The following DRAM2 variants were observed in gnomAD, a reference collection of about 807,000 sequenced individuals.
The protein encoded by DRAM2 is DNA damage-regulated autophagy modulator protein 2.
A neutral mutation model predicts 33.5 loss-of-function variants in DRAM2; 26 were observed. The ratio of observed to expected loss-of-function variants is 0.78; its 90% CI spans 0.57 to 1.08. DRAM2 has a LOEUF of 1.08. Ranked by LOEUF, DRAM2 falls within the 50% of genes least tolerant of loss-of-function variation. The pLI is 0.00. For missense variants in DRAM2, 311 were observed against 318.1 expected, an observed-to-expected ratio of 0.98 and a Z score of 0.17; for synonymous variants, 98 against 109.5, an observed-to-expected ratio of 0.89 and a Z score of 0.66.
chr1:111,124,899 A>T lies in DRAM2; in HGVS notation c.200-18T>A. 6.2e-7 allele frequency: 1 copy of T among 1,607,584 alleles called. No homozygotes were observed. Among genetic ancestry groups the T allele is most frequent in the African/African-American group, 1.3e-5 (1 of 74,682 alleles). On this transcript the variant is annotated intron_variant, in intron 5 of 9. Coordinates refer to ENST00000484310, the MANE Select transcript of DRAM2 (RefSeq NM_001349884.2). Reference sequence around the variant, plus strand: ...AGCAATGCCTGGGAAAAGATAATCCAAAAAACAACAAAGTAATAAATAATC... The same window carrying T: ...AGCAATGCCTGGGAAAAGATAATCCTAAAAACAACAAAGTAATAAATAATC...
chr1:111,117,973 T>C lies in DRAM2; in HGVS notation c.*187A>G, dbSNP rs1038498478. On this transcript the variant is annotated 3_prime_UTR_variant, in exon 10 of 10. Transcript: ENST00000484310. ...GGCATAGGTGTTTTTAATAGTCTTC[T>C]TGATGATATCCTTTAGAATAATCTA... The C allele has an allele frequency of 4.6e-5, 28 of 602,986 alleles. No individual in the cohort carries two copies. Among genetic ancestry groups the C allele is most frequent in the Non-Finnish European group, 7.6e-5 (26 of 342,418 alleles). The allele number at this position is 602,986 out of a possible 1,614,324, so 37.4% of individuals were successfully genotyped here.
At chr1:111,130,429 G>A (rs1244938734) in intron 4 of DRAM2, among the ~76,000 whole-genome samples, 2 of 152,196 alleles carry the variant, frequency 1.3e-5, no homozygotes, top group African/African-American at 4.8e-5. Context: ...TACGAGGCTG[G>A]GCACAGTGGC....
At chr1:111,128,454 G>A (rs1347007425) in intron 4 of DRAM2, among the ~76,000 whole-genome samples, 1 of 152,060 alleles carries the variant, frequency 6.6e-6, no homozygotes, top group Non-Finnish European at 1.5e-5. Context: ...TACCACCAAG[G>A]AAGTGAAACT....
intron 6 of DRAM2, 62 bp from the exon 7 acceptor site, chr1:111,120,755 C>T: frequency 7.3e-7 from 1 of 1,377,906 alleles, no homozygotes. Flanking sequence ...GGCAACACAA[C>T]ATTTAAAAGC....
chr1:111,120,746 G>C, intron 6 of DRAM2, 53 bp from the exon 7 acceptor site: 1 of 1,405,860 alleles, frequency 7.1e-7, no homozygotes. Context: ...GAACACATTG[G>C]CAACACAACA....
intron 5 of DRAM2, 106 bp from the exon 6 acceptor site, chr1:111,124,987 C>T: frequency 1.0e-6 from 1 of 960,050 alleles, no homozygotes; most frequent in South Asian, 1.9e-5. Flanking sequence ...CACAGATTTT[C>T]CTTTTAAAAT....
chr1:111,131,369 T>C, intron 4 of DRAM2, 55 bp downstream of exon 4: 2 of 1,505,024 alleles, frequency 1.3e-6, no homozygotes, highest in East Asian at 2.3e-5. Flanking sequence ...ACTTCAATGT[T>C]AAAATAAGAA....
chr1:111,118,710 G>C, intron 9 of DRAM2, 95 bp downstream of exon 9: 1 of 805,144 alleles, frequency 1.2e-6, no homozygotes, highest in Middle Eastern at 2.4e-4. Context: ...TTTCAAAAAG[G>C]CGGGAGAGTT....
chr1:111,137,934 G>A (rs1653593207), intron 2 of DRAM2, among the ~76,000 whole-genome samples: 1 of 152,158 alleles, frequency 6.6e-6, no homozygotes, highest in African/African-American at 2.4e-5. Flanking sequence ...TAAAGCAATT[G>A]CAAGTCCATG....
At chr1:111,131,342 G>T in intron 4 of DRAM2, 82 bp downstream of exon 4, 3 of 1,369,222 alleles carry the variant, frequency 2.2e-6, no homozygotes, top group South Asian at 1.5e-5. Flanking sequence ...TTTTTAAAAG[G>T]TTGACATTAA....
chr1:111,129,651 C>T (rs143444256), intron 4 of DRAM2, among the ~76,000 whole-genome samples: 3 of 152,212 alleles, frequency 2.0e-5, no homozygotes, highest in African/African-American at 7.2e-5. Flanking sequence ...AGCAATCTCA[C>T]TTCTAGAAAT....
intron 5 of DRAM2, 56 bp from the exon 6 acceptor site, chr1:111,124,937 T>C: frequency 1.3e-6 from 2 of 1,552,934 alleles, no homozygotes; most frequent in Non-Finnish European, 1.8e-6. Context: ...GAAATAAAGT[T>C]GCCAATGAAG....
chr1:111,119,929 C>T lies in DRAM2; in HGVS notation c.548G>A (p.Gly183Asp), dbSNP rs140017544. 7 of 1,612,622 alleles carry T rather than the reference C, an allele frequency of 4.3e-6. No individual in the cohort carries two copies. ...CTGTTCTAAATCAGTCCCAAAATTG[C>T]CACTGTGCAAAACTGATGAGCAAGT... ...MLTCSSVLHSGNFGTDLEQKL... is the reference protein window; with the variant it reads ...MLTCSSVLHSDNFGTDLEQKL... Residue 183 changes from glycine (G) to aspartate (D), a missense_variant, in exon 8 of 10, where the codon GGC (glycine) becomes GAC (aspartate). Coordinates refer to ENST00000484310, the MANE Select transcript of DRAM2 (RefSeq NM_001349884.2).
At chr1:111,125,654 A>C (rs1036501240) in intron 5 of DRAM2, 1 of 152,274 alleles carries the variant, frequency 6.6e-6, no homozygotes, top group African/African-American at 2.4e-5. Context: ...TTTTGACCTA[A>C]GCAAATAATA....
intron 4 of DRAM2, among the ~76,000 whole-genome samples, chr1:111,129,293 T>C (rs1411574209): frequency 6.6e-6 from 1 of 152,132 alleles, no homozygotes; most frequent in Admixed American, 6.5e-5. Context: ...AGCAACAAAA[T>C]TTGGCATCTC....
chr1:111,133,246 C>T (rs555213874), intron 3 of DRAM2, among the ~76,000 whole-genome samples: 5 of 149,624 alleles, frequency 3.3e-5, no homozygotes, highest in African/African-American at 9.9e-5. Context: ...GGCACAATCT[C>T]GGCTCGCTGC....
At chr1:111,123,274 G>C (rs946855182) in intron 6 of DRAM2, among the ~76,000 whole-genome samples, 3 of 152,186 alleles carry the variant, frequency 2.0e-5, no homozygotes, top group South Asian at 4.1e-4. Flanking sequence ...ATTTTCTCCA[G>C]GGTCCATTTT....
intron 9 of DRAM2, 47 bp downstream of exon 9, chr1:111,118,758 A>G (rs749077188): frequency 1.1e-5 from 16 of 1,452,884 alleles, no homozygotes; most frequent in African/African-American, 1.4e-5. Flanking sequence ...TTCCTGGACT[A>G]AGAGAAGGAA....
intron 4 of DRAM2, among the ~76,000 whole-genome samples, chr1:111,130,560 C>T (rs1293732995): frequency 6.7e-6 from 1 of 148,728 alleles, no homozygotes; most frequent in South Asian, 2.1e-4. Context: ...AAAAATTAGG[C>T]GTGGTGGTGT....
Sources: gnomAD v4.1 joint callset for allele counts (sites outside exome capture counted in the v4.1 genomes callset) on GRCh38, gnomAD v4.1.1 for gene constraint, MANE v1.5 for transcripts, NCBI Gene and HGNC (gene_info 2026-07-23, HGNC 2026-07-21) for gene names.